ANXA13: variants seen among roughly 807,000 people sequenced by gnomAD.
ANXA13 encodes annexin A13.
Under a neutral mutation model 46.6 loss-of-function variants are expected in ANXA13, and 36 were observed. The ratio of observed to expected loss-of-function variants is 0.77; its 90% CI spans 0.59 to 1.02. The LOEUF (loss-of-function observed/expected upper bound fraction) is 1.02, where lower values mean the gene tolerates loss of function less well. Among genes scored for constraint, ANXA13 ranks in the 50% least tolerant of loss-of-function variants. The pLI is 0.00. For synonymous variants in ANXA13, 163 were observed against 152.9 expected (o/e 1.07, Z -0.49); for missense variants, 417 against 396.5 (o/e 1.05, Z -0.44).
At chr8:123,686,064 C>G (rs1234641666) in intron 9 of ANXA13, among the ~76,000 whole-genome samples, 1 of 152,182 alleles carries the variant, frequency 6.6e-6, no homozygotes, top group Admixed American at 6.5e-5. Context: ...AGGAAGAAAA[C>G]TCTCAACATT....
intron 9 of ANXA13, among the ~76,000 whole-genome samples, chr8:123,687,580 T>C (rs1813162516): frequency 6.6e-6 from 1 of 152,138 alleles, no homozygotes; most frequent in Admixed American, 6.5e-5. Flanking sequence ...GTCTTGCTCA[T>C]TGAATGCAAA....
At chr8:123,694,791 G>T (rs887778732) in intron 6 of ANXA13, among the ~76,000 whole-genome samples, 1 of 152,200 alleles carries the variant, frequency 6.6e-6, no homozygotes, top group Non-Finnish European at 1.5e-5. Context: ...GATCTATGTT[G>T]TTCTGAGGTG....
intron 4 of ANXA13, 27 bp from the exon 5 acceptor site, chr8:123,695,748 C>T: frequency 6.3e-7 from 1 of 1,593,824 alleles, no homozygotes; most frequent in South Asian, 1.1e-5. Flanking sequence ...ACAAAAAAAT[C>T]AATATTCCAA....
At position 123,702,652 on chromosome 8, in the gene ANXA13, G is replaced by A. The variant is rs1331854241; in HGVS notation, c.176C>T (p.Thr59Met). The change falls in exon 3 of 11, where the codon ACG becomes ATG. Residue 59 changes from threonine (T) to methionine (M), a missense_variant. Thr to Met is a moderately conservative substitution (Grantham distance 81, BLOSUM62 -1). Coordinates refer to ENST00000419625, the MANE Select transcript of ANXA13 (RefSeq NM_004306.4). ...CACCCCTGGAATCACCTTGCCGTAC[G>A]TTGCCTTGTACTTTTGCTTGATTTG... ...RQQIKQKYKA[T>M]YGKELEEVLK... 6.8e-6 allele frequency: 11 copies of A among 1,613,956 alleles called. No homozygotes were observed. Among genetic ancestry groups the A allele is most frequent in the African/African-American group, 2.7e-5 (2 of 75,018 alleles).
At chr8:123,693,319 A>G in intron 7 of ANXA13, 21 bp from the exon 8 acceptor site, 1 of 1,607,090 alleles carries the variant, frequency 6.2e-7, no homozygotes, top group African/African-American at 1.3e-5. Context: ...AAATACAAAC[A>G]CTTTGAAAAA....
chr8:123,706,120 G>A (rs539063838), intron 2 of ANXA13, among the ~76,000 whole-genome samples: 77 of 152,326 alleles, frequency 5.1e-4, no homozygotes, highest in Non-Finnish European at 9.6e-4. Context: ...GCAGGAGTGA[G>A]TTGCCTGCCT....
In ANXA13 at chr8:123,699,777, G is replaced by A. The variant is rs543987255; in HGVS notation, c.187-1218C>T. On this transcript the variant is annotated intron_variant, in intron 3 of 10. Transcript: ENST00000419625. ...AGCTCCCCAGCAGTGTGGCATGGTG[G>A]CAAAGAACACAGCCACAGTACCTTT... 1.0e-3 allele frequency among the ~76,000 whole-genome samples: 153 copies of A among 152,286 alleles called. 1 individual carries two copies. The highest frequency in any genetic ancestry group is 3.5e-3 in the African/African-American group (146 of 41,550).
chr8:123,726,396 G>A (rs1480200231), intron 1 of ANXA13, among the ~76,000 whole-genome samples: 1 of 152,198 alleles, frequency 6.6e-6, no homozygotes, highest in African/African-American at 2.4e-5. Flanking sequence ...TAAACTGGTG[G>A]GCACCATTGT....
chr8:123,720,625 A>G (rs933869568), intron 1 of ANXA13, among the ~76,000 whole-genome samples: 16 of 149,436 alleles, frequency 1.1e-4, no homozygotes, highest in Non-Finnish European at 1.8e-4. Context: ...GGTAATAAGT[A>G]TTTCATCAGC....
chr8:123,728,499 A>G, intron 1 of ANXA13: 1 of 152,214 alleles, frequency 6.6e-6, no homozygotes, highest in East Asian at 1.9e-4. Flanking sequence ...GAGAGTATGA[A>G]CATGGGATTC....
At chr8:123,685,487 T>G (rs2129820286) in intron 9 of ANXA13, among the ~76,000 whole-genome samples, 1 of 152,208 alleles carries the variant, frequency 6.6e-6, no homozygotes, top group Non-Finnish European at 1.5e-5. Flanking sequence ...GGCTAACACG[T>G]TAGAGGAAAA....
At position 123,683,428 on chromosome 8, in the gene ANXA13, T is replaced by TA. The variant is rs1237525341; in HGVS notation, c.831+1181_831+1182insT. Among the ~76,000 whole-genome samples, 23 of 148,984 alleles carry TA rather than the reference T, an allele frequency of 1.5e-4. No individual in the cohort carries two copies. In the East Asian group the frequency reaches 4.5e-3, roughly 29 times the overall value. On this transcript the variant is annotated intron_variant, in intron 10 of 10. Transcript: ENST00000419625. ...ACCTCCCCCTTCATTTAACCACTTT[T>TA]TTTTTTTTTTTTTGAGGGAAGATGT...
At chr8:123,681,637 T>C (rs1232877796) in intron 10 of ANXA13, among the ~76,000 whole-genome samples, 2 of 150,774 alleles carry the variant, frequency 1.3e-5, no homozygotes, top group Non-Finnish European at 3.0e-5. Flanking sequence ...TTTTTTTTTT[T>C]TTTGAGACAG....
At chr8:123,694,151 G>C (rs1813291219) in intron 6 of ANXA13, among the ~76,000 whole-genome samples, 1 of 152,106 alleles carries the variant, frequency 6.6e-6, no homozygotes, top group Admixed American at 6.5e-5. Context: ...CCTGAGAGCT[G>C]GTCATGGAAG....
intron 3 of ANXA13, 143 bp downstream of exon 3, chr8:123,702,499 G>A (rs1462994548): frequency 2.0e-5 from 13 of 652,680 alleles, no homozygotes; most frequent in Non-Finnish European, 3.5e-5. Context: ...CTCCATTAAT[G>A]CTTTTAAGTG....
intron 2 of ANXA13, among the ~76,000 whole-genome samples, chr8:123,705,981 A>T (rs1813532224): frequency 6.6e-6 from 1 of 152,210 alleles, no homozygotes; most frequent in African/African-American, 2.4e-5. Context: ...CCATGTTCCA[A>T]ACCTTTGGGT....
chr8:123,696,555 C>T (rs1563608358), intron 4 of ANXA13, among the ~76,000 whole-genome samples: 1 of 85,572 alleles, frequency 1.2e-5, no homozygotes, highest in East Asian at 2.8e-4. Flanking sequence ...TTCCTGCTCC[C>T]CCACCCCCCC....
chr8:123,695,513 A>G lies in ANXA13; in HGVS notation c.460T>C (p.Ser154Pro), dbSNP rs1813313451. 6.2e-7 allele frequency: 1 copy of G among 1,613,634 alleles called. No individual in the cohort carries two copies. Among genetic ancestry groups the G allele is most frequent in the Non-Finnish European group, 8.5e-7 (1 of 1,179,668 alleles). ...TSGNLKKILVSLLQANRNEGD... is the reference protein window; with the variant it reads ...TSGNLKKILVPLLQANRNEGD... ...CTCTTTCCTCTTACCTGCAGCAGAG[A>G]CACCAGGATTTTTTTTAGGTTTCCA... Residue 154 changes from serine (S) to proline (P), a missense_variant, in exon 6 of 11, where the codon TCT becomes CCT. By Grantham distance (74) the Ser-to-Pro change is moderately conservative. Transcript: ENST00000419625.
At chr8:123,735,711 G>A in intron 1 of ANXA13, 1 of 1,573,564 alleles carries the variant, frequency 6.4e-7, no homozygotes, top group Non-Finnish European at 8.6e-7. Flanking sequence ...CCATGACAGA[G>A]CAGGGGTCAT....
Sources: allele counts gnomAD v4.1 joint callset (sites outside exome capture counted in the v4.1 genomes callset), GRCh38; gene constraint gnomAD v4.1.1; transcripts MANE v1.5; gene names NCBI Gene and HGNC (gene_info 2026-07-23, HGNC 2026-07-21).